GRIK2: variants seen among roughly 807,000 people sequenced by gnomAD.
GRIK2 encodes glutamate receptor ionotropic, kainate 2.
A neutral mutation model predicts 100.3 loss-of-function variants in GRIK2; 32 were observed. The ratio of observed to expected loss-of-function variants is 0.32; its 90% CI spans 0.24 to 0.43. The LOEUF (loss-of-function observed/expected upper bound fraction) is 0.43. Among genes scored for constraint, GRIK2 ranks in the 20% least tolerant of loss-of-function variants. The pLI, the probability that GRIK2 is intolerant of heterozygous loss-of-function variation, is 1.00. For missense variants in GRIK2, 843 were observed against 1,114.9 expected (o/e 0.76, Z 3.47); for synonymous variants, 417 against 389.4 (o/e 1.07, Z -0.83).
chr6:101,646,978 G>A (rs1781554056), intron 4 of GRIK2, among the ~76,000 whole-genome samples: 1 of 151,910 alleles, frequency 6.6e-6, no homozygotes, highest in Non-Finnish European at 1.5e-5. Context: ...CTCGCTGCAT[G>A]CCAGTAACAG....
At chr6:101,397,331 T>C (rs76451201) in intron 1 of GRIK2, among the ~76,000 whole-genome samples, 4,895 of 152,248 alleles carry the variant, frequency 0.032, 89 homozygotes, top group Non-Finnish European at 0.046. Flanking sequence ...AGACAGCAAA[T>C]AGAAGACAGA....
At chr6:101,735,380 T>A (rs991026524) in intron 7 of GRIK2, among the ~76,000 whole-genome samples, 2 of 152,198 alleles carry the variant, frequency 1.3e-5, no homozygotes, top group African/African-American at 4.8e-5. Flanking sequence ...GAAAACATAC[T>A]GTATTAGTCC....
chr6:101,797,598 A>G (rs1255744072), intron 7 of GRIK2, among the ~76,000 whole-genome samples: 3 of 148,318 alleles, frequency 2.0e-5, no homozygotes, highest in Non-Finnish European at 1.5e-5. Context: ...GTAATACTTC[A>G]TATTACTCTA....
chr6:101,960,685 C>T (rs957171009), intron 14 of GRIK2, among the ~76,000 whole-genome samples: 4 of 152,054 alleles, frequency 2.6e-5, no homozygotes, highest in East Asian at 1.9e-4. Flanking sequence ...GCAATGTACT[C>T]GGCCTATGAG....
At chr6:101,573,845 T>C (rs1455482682) in intron 2 of GRIK2, among the ~76,000 whole-genome samples, 1 of 152,068 alleles carries the variant, frequency 6.6e-6, no homozygotes, top group South Asian at 2.1e-4. Context: ...ACAACAAAAG[T>C]GGGGGTGTTT....
chr6:101,467,428 T>C (rs887960391), intron 2 of GRIK2, among the ~76,000 whole-genome samples: 1 of 152,190 alleles, frequency 6.6e-6, no homozygotes, highest in Admixed American at 6.5e-5. Context: ...AGAGATTTTA[T>C]AAAAGATACA....
At chr6:101,451,698 G>GC (rs1041830438) in intron 2 of GRIK2, among the ~76,000 whole-genome samples, 1 of 59,178 alleles carries the variant, frequency 1.7e-5, no homozygotes, top group East Asian at 5.3e-4. Context: ...ATCTCTGAGG[G>GC]GGGGGGGGGT....
chr6:101,698,736 A>C (rs781085378), intron 7 of GRIK2, among the ~76,000 whole-genome samples: 65 of 152,168 alleles, frequency 4.3e-4, no homozygotes, highest in Non-Finnish European at 2.6e-4. Context: ...TGATGTTTGC[A>C]CTTGAAGAAT....
At chr6:101,441,754 A>G (rs934381922) in intron 2 of GRIK2, among the ~76,000 whole-genome samples, 12 of 152,086 alleles carry the variant, frequency 7.9e-5, no homozygotes, top group African/African-American at 2.9e-4. Context: ...ATAACACCCG[A>G]TAGGTAGTTT....
At chr6:101,563,608 C>T (rs973239002) in intron 2 of GRIK2, among the ~76,000 whole-genome samples, 2 of 152,008 alleles carry the variant, frequency 1.3e-5, no homozygotes, top group Admixed American at 1.3e-4. Context: ...GGCTGAATAT[C>T]TGAATTTTAA....
intron 15 of GRIK2, among the ~76,000 whole-genome samples, chr6:102,051,297 C>CT (rs1771181363): frequency 6.6e-6 from 1 of 150,492 alleles, no homozygotes; most frequent in South Asian, 2.1e-4. Flanking sequence ...TCCTTCCTTC[C>CT]TTCCTTCCTT....
At chr6:101,511,459 G>T (rs927848266) in intron 2 of GRIK2, among the ~76,000 whole-genome samples, 2 of 151,892 alleles carry the variant, frequency 1.3e-5, no homozygotes, top group Non-Finnish European at 2.9e-5. Context: ...ATAGAGAGAG[G>T]TGAAGTTTAT....
intron 2 of GRIK2, among the ~76,000 whole-genome samples, chr6:101,419,125 TTTTG>T (rs1215433132): frequency 6.6e-6 from 1 of 152,152 alleles, no homozygotes. Context: ...TATGATGACT[TTTTG>T]TTTTTCTTTT....
At chr6:101,904,476 G>C (rs1398364056) in intron 12 of GRIK2, among the ~76,000 whole-genome samples, 3 of 151,268 alleles carry the variant, frequency 2.0e-5, no homozygotes, top group Non-Finnish European at 3.0e-5. Flanking sequence ...TAAAATTAAA[G>C]TCATTTAATT....
intron 14 of GRIK2, among the ~76,000 whole-genome samples, chr6:101,966,446 G>T (rs1792680466): frequency 6.6e-6 from 1 of 152,078 alleles, no homozygotes; most frequent in Admixed American, 6.6e-5. Context: ...AATAGAGTTT[G>T]ACAAGGCTGG....
chr6:101,956,794 T>TATAG (rs1219014136), intron 14 of GRIK2, among the ~76,000 whole-genome samples: 3 of 39,894 alleles, frequency 7.5e-5, no homozygotes, highest in Non-Finnish European at 1.5e-4. Flanking sequence ...AAAATTTTCT[T>TATAG]ATATATATCA....
intron 2 of GRIK2, among the ~76,000 whole-genome samples, chr6:101,406,438 G>T (rs1775597060): frequency 2.0e-5 from 3 of 152,132 alleles, no homozygotes. Flanking sequence ...AGGGTTTGGG[G>T]AGGGTATGTC....
chr6:101,781,835 T>G (rs1180268117), intron 7 of GRIK2, among the ~76,000 whole-genome samples: 2 of 104,840 alleles, frequency 1.9e-5, no homozygotes, highest in African/African-American at 9.1e-5. Context: ...ATACATTAGT[T>G]TTTTTTTTTC....
chr6:101,778,373 T>C (rs1778878016), intron 7 of GRIK2, among the ~76,000 whole-genome samples: 1 of 152,182 alleles, frequency 6.6e-6, no homozygotes, highest in Non-Finnish European at 1.5e-5. Flanking sequence ...CATTATAAAC[T>C]ACACATATTT....
Sources: gnomAD v4.1 joint callset for allele counts (sites outside exome capture counted in the v4.1 genomes callset) on GRCh38, gnomAD v4.1.1 for gene constraint, MANE v1.5 for transcripts, NCBI Gene and HGNC (gene_info 2026-07-23, HGNC 2026-07-21) for gene names.